The following MYH15 variants were observed in gnomAD, a reference collection of about 807,000 sequenced individuals.
MYH15 encodes the protein myosin-15.
In MYH15, 227 loss-of-function variants were observed where a neutral mutation model predicts 240.5. That is an observed-to-expected ratio of 0.94 (90% CI 0.85 to 1.05). MYH15 has a LOEUF of 1.05. Among genes scored for constraint, MYH15 ranks in the 50% least tolerant of loss-of-function variants. The probability of loss-of-function intolerance (pLI) is 0.00; values close to 1 mark genes in which losing one functional copy is unlikely to be tolerated. For synonymous variants in MYH15, 785 were observed against 796.7 expected, an observed-to-expected ratio of 0.99 and a Z score of 0.25; for missense variants, 2,217 against 2,247.5, an observed-to-expected ratio of 0.99 and a Z score of 0.27.
chr3:108,495,139 G>C (rs1008714287), intron 7 of MYH15, among the ~76,000 whole-genome samples: 4 of 152,166 alleles, frequency 2.6e-5, no homozygotes, highest in African/African-American at 9.7e-5. Context: ...GACTCAAATA[G>C]GAAGCCTTCT....
intron 12 of MYH15, among the ~76,000 whole-genome samples, chr3:108,474,682 T>G (rs962318297): frequency 4.6e-5 from 7 of 152,238 alleles, no homozygotes; most frequent in Non-Finnish European, 7.4e-5. Flanking sequence ...TCATTAGTTT[T>G]ATACAGAGAA....
chr3:108,537,136 T>C, the MYH15 span, among the ~76,000 whole-genome samples: 2 of 152,170 alleles, frequency 1.3e-5, no homozygotes, highest in Non-Finnish European at 2.9e-5. Flanking sequence ...TAAATCTATA[T>C]TTTGACTACT....
Position 108,391,888 on chromosome 3 carries a change from T to C in MYH15, c.5302A>G (p.Ile1768Val), listed in dbSNP as rs2082425168. The stretch of plus-strand genomic sequence containing the variant: ...TCTCTTGTCCTTTCCAAGTGGGCAA[T>C]GGTGTCTTGCTTCTTCTTCAGTTCT... ...SEELKKKQDT[I>V]AHLERTRENM... Residue 1768 changes from isoleucine to valine, a missense_variant, in exon 37 of 41, where the codon ATT becomes GTT. Coordinates refer to ENST00000693548, the MANE Select transcript of MYH15 (RefSeq NM_014981.3). 4.3e-6 allele frequency: 7 copies of C among 1,614,158 alleles called. No individual in the cohort carries two copies. Among genetic ancestry groups the C allele is most frequent in the Non-Finnish European group, 5.1e-6 (6 of 1,179,990 alleles).
chr3:108,410,899 G>T lies in MYH15; in HGVS notation c.4179C>A (p.Ala1393=). ...KELAIRLQEA[A]EAMGVANARN... ...TGGCATTGGCCACCCCCATGGCTTC[G>T]GCTGCCTCCTGCAATCTAATTGCCA... Residue 1393 remains alanine (A), a synonymous_variant, in exon 31 of 41, where the codon GCC becomes GCA. Transcript: ENST00000693548. The T allele has an allele frequency of 6.2e-7, 1 of 1,605,782 alleles. No homozygotes were observed. The highest frequency in any genetic ancestry group is 8.5e-7 in the Non-Finnish European group (1 of 1,173,370).
At chr3:108,455,212 T>C (rs114256578) in intron 20 of MYH15, among the ~76,000 whole-genome samples, 4 of 152,234 alleles carry the variant, frequency 2.6e-5, no homozygotes, top group Non-Finnish European at 5.9e-5. Flanking sequence ...TCCCAAAATA[T>C]GTGAGTCATG....
At chr3:108,422,724 C>G (rs983553548) in intron 27 of MYH15, among the ~76,000 whole-genome samples, 6 of 152,112 alleles carry the variant, frequency 3.9e-5, no homozygotes, top group Non-Finnish European at 5.9e-5. Context: ...GAGATTACAC[C>G]AATGAAATTT....
chr3:108,416,862 A>C lies in MYH15; in HGVS notation c.3898T>G (p.Phe1300Val), dbSNP rs755642380. 3 of 1,614,080 alleles carry C rather than the reference A, an allele frequency of 1.9e-6. No individual in the cohort carries two copies. In the South Asian group the frequency reaches 3.3e-5, roughly 18 times the overall value. ...INQLSREKSN[F>V]TRQIEDLRGQ... is the part of the protein sequence containing the mutation. Reference sequence around the variant, plus strand: ...CTCAGGTCTTCAATCTGCCGAGTGAAGTTGCTCTTTTCCCTGGAAAGTTGG... The same window carrying C: ...CTCAGGTCTTCAATCTGCCGAGTGACGTTGCTCTTTTCCCTGGAAAGTTGG... The change falls in exon 29 of 41, where the codon TTC becomes GTC. Residue 1300 changes from phenylalanine to valine, a missense_variant. Phe to Val is a conservative substitution (Grantham distance 50). Transcript: ENST00000693548.
At chr3:108,456,328 A>G (rs1156328887) in intron 19 of MYH15, among the ~76,000 whole-genome samples, 1 of 152,142 alleles carries the variant, frequency 6.6e-6, no homozygotes, top group Non-Finnish European at 1.5e-5. Flanking sequence ...TTGATGACCT[A>G]TAATTTAAAC....
chr3:108,393,462 T>C (rs1345613453), intron 36 of MYH15, among the ~76,000 whole-genome samples: 3 of 152,212 alleles, frequency 2.0e-5, no homozygotes, highest in East Asian at 3.8e-4. Context: ...TCAGTCCCTA[T>C]GAAGGTGCGC....
intron 15 of MYH15, among the ~76,000 whole-genome samples, chr3:108,463,657 A>G (rs2083090343): frequency 6.6e-6 from 1 of 152,094 alleles, no homozygotes; most frequent in Non-Finnish European, 1.5e-5. Flanking sequence ...ATAAATCACA[A>G]ATTATATGGG....
intron 38 of MYH15, among the ~76,000 whole-genome samples, chr3:108,385,491 A>G (rs186216055): frequency 6.6e-6 from 1 of 152,276 alleles, no homozygotes; most frequent in Admixed American, 6.5e-5. Flanking sequence ...ATGTTTCTCA[A>G]CTGTGCTCTG....
chr3:108,398,670 T>A lies in MYH15; in HGVS notation c.5100A>T (p.Glu1700Asp), dbSNP rs369223108. Residue 1700 changes from glutamate (E) to aspartate (D), a missense_variant, in exon 35 of 41, where the codon GAA becomes GAT. Transcript: ENST00000693548. ...GRRLSEEELL[E>D]ATERINLFYT... ...AGAAAAGATTGATTCTTTCTGTTGC[T>A]TCCAGGAGCTCTTCTTCTGACAGCC... 7 of 1,613,744 alleles carry A rather than the reference T, an allele frequency of 4.3e-6. No homozygotes were observed. Among genetic ancestry groups the A allele is most frequent in the Middle Eastern group, 3.5e-4 (2 of 5,638 alleles).
intron 40 of MYH15, among the ~76,000 whole-genome samples, chr3:108,383,373 G>C (rs1273156567): frequency 6.6e-6 from 1 of 152,146 alleles, no homozygotes; most frequent in African/African-American, 2.4e-5. Context: ...CATTTGAAAA[G>C]TATAAATACA....
chr3:108,429,364 T>G (rs541649178), intron 26 of MYH15, among the ~76,000 whole-genome samples: 2 of 152,210 alleles, frequency 1.3e-5, no homozygotes, highest in Non-Finnish European at 2.9e-5. Context: ...ATCAATTTAA[T>G]TTTACACACA....
chr3:108,449,032 C>T (rs1019518311), intron 21 of MYH15, among the ~76,000 whole-genome samples: 3 of 151,848 alleles, frequency 2.0e-5, no homozygotes, highest in Non-Finnish European at 4.4e-5. Flanking sequence ...AAGAATAAAT[C>T]TTACCAAGGA....
chr3:108,413,885 G>A (rs755288794), intron 30 of MYH15, among the ~76,000 whole-genome samples: 18 of 152,112 alleles, frequency 1.2e-4, no homozygotes, highest in African/African-American at 3.9e-4. Flanking sequence ...TTATTATGGC[G>A]TTACAAATGA....
chr3:108,526,419 G>A (rs1189469415), intron 1 of MYH15, among the ~76,000 whole-genome samples: 4 of 152,072 alleles, frequency 2.6e-5, no homozygotes, highest in African/African-American at 9.7e-5. Context: ...TCTCACTTGT[G>A]AGGATAATGC....
intron 12 of MYH15, 116 bp downstream of exon 12, chr3:108,476,277 CTTAT>C: frequency 3.3e-6 from 2 of 598,880 alleles, no homozygotes; most frequent in Non-Finnish European, 5.7e-6. Flanking sequence ...CTCTTTTTTG[CTTAT>C]TTATAGAAGC....
At chr3:108,497,139 C>A (rs1239206220) in intron 6 of MYH15, among the ~76,000 whole-genome samples, 2 of 104,252 alleles carry the variant, frequency 1.9e-5, no homozygotes, top group Non-Finnish European at 3.4e-5. Context: ...CCGGCCTGGG[C>A]GAAAGAGCGA....
Sources: allele counts gnomAD v4.1 joint callset (sites outside exome capture counted in the v4.1 genomes callset), GRCh38; gene constraint gnomAD v4.1.1; transcripts MANE v1.5; gene names NCBI Gene and HGNC (gene_info 2026-07-23, HGNC 2026-07-21).